Variants in UNC13C observed in about 807,000 individuals in gnomAD.
UNC13C encodes the protein unc-13 homolog C, also known as protein unc-13 homolog C.
A neutral mutation model predicts 245.4 loss-of-function variants in UNC13C; 174 were observed. The ratio of observed to expected loss-of-function variants is 0.71; its 90% CI spans 0.63 to 0.80. The LOEUF is 0.80. Among genes scored for constraint, UNC13C ranks in the 30% least tolerant of loss-of-function variants. UNC13C has a pLI of 0.00. For synonymous variants in UNC13C, 992 were observed against 895.1 expected (o/e 1.11, Z -1.93); for missense variants, 2,829 against 2,602.9 (o/e 1.09, Z -1.89).
intron 2 of UNC13C, among the ~76,000 whole-genome samples, chr15:54,045,420 C>T (rs1188513092): frequency 1.3e-5 from 2 of 151,678 alleles, no homozygotes; most frequent in Non-Finnish European, 2.9e-5. Flanking sequence ...TCTTTTTTTT[C>T]CCCTGAATAA....
chr15:54,362,906 A>G (rs1007000731), intron 17 of UNC13C, among the ~76,000 whole-genome samples: 1 of 152,180 alleles, frequency 6.6e-6, no homozygotes, highest in Non-Finnish European at 1.5e-5. Flanking sequence ...CATATAAAGA[A>G]TAGGTAAGTT....
chr15:54,465,406 G>T (rs575293098), intron 19 of UNC13C, among the ~76,000 whole-genome samples: 22 of 151,972 alleles, frequency 1.4e-4, no homozygotes, highest in Non-Finnish European at 3.2e-4. Context: ...TACTTTGGTA[G>T]ATATGATAAA....
At chr15:53,909,189 T>A in the UNC13C span, among the ~76,000 whole-genome samples, 1 of 146,830 alleles carries the variant, frequency 6.8e-6, no homozygotes, top group Non-Finnish European at 1.5e-5. Flanking sequence ...TTCTCCTTAT[T>A]CTTGCAGAAA....
intron 19 of UNC13C, among the ~76,000 whole-genome samples, chr15:54,443,213 A>G (rs1890627180): frequency 6.6e-6 from 1 of 152,092 alleles, no homozygotes; most frequent in Non-Finnish European, 1.5e-5. Context: ...GTTGTTCATA[A>G]TAGTCTCTGA....
intron 28 of UNC13C, among the ~76,000 whole-genome samples, chr15:54,550,163 G>A (rs550807941): frequency 6.6e-6 from 1 of 152,170 alleles, no homozygotes; most frequent in South Asian, 2.1e-4. Flanking sequence ...CTCTAGCATA[G>A]GAACTTGACT....
intron 17 of UNC13C, among the ~76,000 whole-genome samples, chr15:54,360,929 C>A (rs111962404): frequency 6.6e-6 from 1 of 152,040 alleles, no homozygotes; most frequent in East Asian, 1.9e-4. Flanking sequence ...TTATTATTTG[C>A]CTTGGGAAAT....
rs550458881 is a variant in UNC13C, at chr15:54,431,777, G to T, written c.4933+16710G>T. Among the ~76,000 whole-genome samples the T allele has an allele frequency of 5.9e-5, 9 of 151,670 alleles. No individual in the cohort carries two copies. The South Asian group carries it at 1.5e-3, about 25-fold the overall frequency. ...GTCTCTGTAGCTATAATACTTGGAG[G>T]TATCAGATAGTCATTCTTTAAGATC... On this transcript the variant is annotated intron_variant, in intron 19 of 32. Transcript: ENST00000260323.
intron 24 of UNC13C, among the ~76,000 whole-genome samples, chr15:54,523,251 A>G (rs2141135059): frequency 6.6e-6 from 1 of 152,322 alleles, no homozygotes; most frequent in Non-Finnish European, 1.5e-5. Flanking sequence ...TATGATAATT[A>G]TGTCCATTAT....
intron 4 of UNC13C, among the ~76,000 whole-genome samples, chr15:54,209,977 A>G (rs1306480321): frequency 6.6e-6 from 1 of 151,992 alleles, no homozygotes; most frequent in Non-Finnish European, 1.5e-5. Flanking sequence ...TAACTACTGA[A>G]TATTTTTGAA....
At chr15:54,344,068 C>G (rs1188686312) in intron 17 of UNC13C, among the ~76,000 whole-genome samples, 1 of 152,114 alleles carries the variant, frequency 6.6e-6, no homozygotes, top group Non-Finnish European at 1.5e-5. Context: ...CTAAATTGGA[C>G]AATGCAGAAA....
intron 2 of UNC13C, among the ~76,000 whole-genome samples, chr15:54,063,813 A>T (rs1566985350): frequency 6.6e-6 from 1 of 152,164 alleles, no homozygotes; most frequent in Non-Finnish European, 1.5e-5. Flanking sequence ...CAAAAGCTTC[A>T]AGGTGGGAGA....
Position 54,532,932 on chromosome 15 carries a change from T to C in UNC13C, c.5562T>C (p.Ile1854=). 1 of 1,557,922 alleles carries C rather than the reference T, an allele frequency of 6.4e-7. No homozygotes were observed. Residue 1854 remains isoleucine (I), a synonymous_variant, in exon 26 of 33, where the codon ATT becomes ATC. Coordinates refer to ENST00000260323, the MANE Select transcript of UNC13C (RefSeq NM_001080534.3). ...TTATTTTTAGTTTCCAGGTTATAAT[T>C]GAAGAGTGTATAAAACAGATGAGTT... ...VTYGESFQVI[I]EECIKQMSFE...
intron 19 of UNC13C, among the ~76,000 whole-genome samples, chr15:54,435,542 A>G (rs2140981884): frequency 6.6e-6 from 1 of 150,994 alleles, no homozygotes; most frequent in Non-Finnish European, 1.5e-5. Flanking sequence ...ACACATGAAC[A>G]CAGGGAGGAG....
intron 10 of UNC13C, among the ~76,000 whole-genome samples, chr15:54,293,691 T>A (rs949483825): frequency 1.3e-5 from 2 of 152,032 alleles, no homozygotes; most frequent in African/African-American, 4.8e-5. Context: ...GGGATTTGAT[T>A]TTCCCTTATT....
At chr15:54,307,598 G>T (rs1292688549) in intron 13 of UNC13C, among the ~76,000 whole-genome samples, 1 of 151,920 alleles carries the variant, frequency 6.6e-6, no homozygotes, top group Non-Finnish European at 1.5e-5. Flanking sequence ...CAAGCATGGG[G>T]GCTATAAGGG....
the UNC13C span, among the ~76,000 whole-genome samples, chr15:53,890,837 G>C: frequency 6.6e-6 from 1 of 151,298 alleles, no homozygotes. Flanking sequence ...TTGATTTTTT[G>C]ATGGGTTTTT....
intron 22 of UNC13C, among the ~76,000 whole-genome samples, chr15:54,503,840 TA>T (rs1320359643): frequency 6.6e-6 from 1 of 152,174 alleles, no homozygotes; most frequent in Non-Finnish European, 1.5e-5. Flanking sequence ...TTGGAATCCT[TA>T]TATCAAAATA....
chr15:53,994,994 A>T (rs1410089786), intron 1 of UNC13C, among the ~76,000 whole-genome samples: 1 of 152,088 alleles, frequency 6.6e-6, no homozygotes, highest in African/African-American at 2.4e-5. Flanking sequence ...TGACAAAAAG[A>T]TGGAGGAATG....
chr15:54,395,030 G>A (rs1452825937), intron 18 of UNC13C, among the ~76,000 whole-genome samples: 1 of 151,610 alleles, frequency 6.6e-6, no homozygotes, highest in Non-Finnish European at 1.5e-5. Context: ...TAATGTCAGA[G>A]TTTAAGTCCA....
Sources: gnomAD v4.1 joint callset for allele counts (sites outside exome capture counted in the v4.1 genomes callset) on GRCh38, gnomAD v4.1.1 for gene constraint, MANE v1.5 for transcripts, NCBI Gene and HGNC (gene_info 2026-07-23, HGNC 2026-07-21) for gene names.